The following RAD54B variants were observed in gnomAD, a reference collection of about 807,000 sequenced individuals.
The protein encoded by RAD54B is DNA repair and recombination protein RAD54B.
A neutral mutation model predicts 95.8 loss-of-function variants in RAD54B; 78 were observed. The ratio of observed to expected loss-of-function variants is 0.81; its 90% confidence interval spans 0.68 to 0.98. The LOEUF is 0.98. Among genes scored for constraint, RAD54B ranks in the 50% least tolerant of loss-of-function variants. RAD54B has a pLI of 0.00. For missense variants in RAD54B, 957 were observed against 1,056.6 expected, an observed-to-expected ratio of 0.91 and a Z score of 1.31; for synonymous variants, 328 against 354.9, an observed-to-expected ratio of 0.92 and a Z score of 0.85.
chr8:94,422,178 G>A (rs1397550482), intron 3 of RAD54B, among the ~76,000 whole-genome samples: 1 of 152,038 alleles, frequency 6.6e-6, no homozygotes, highest in East Asian at 1.9e-4. Flanking sequence ...ATAAAGTCCT[G>A]AGAGTATGTT....
At chr8:94,389,650 T>C (rs774759633) in intron 10 of RAD54B, among the ~76,000 whole-genome samples, 1 of 152,228 alleles carries the variant, frequency 6.6e-6, no homozygotes, top group Non-Finnish European at 1.5e-5. Context: ...ACATCTTAAT[T>C]GAACTTGGGA....
intron 3 of RAD54B, among the ~76,000 whole-genome samples, chr8:94,442,404 C>A (rs1812419335): frequency 6.6e-6 from 1 of 151,294 alleles, no homozygotes. Context: ...AACCCCGTCT[C>A]TACTACTAAA....
chr8:94,454,310 T>G (rs1290907239), intron 3 of RAD54B, among the ~76,000 whole-genome samples: 1 of 152,058 alleles, frequency 6.6e-6, no homozygotes, highest in African/African-American at 2.4e-5. Flanking sequence ...TGATCTGGGG[T>G]TTCTTTTTAG....
rs578010316 is a variant in RAD54B, at chr8:94,470,736, T to G, written c.-16-3181A>C. On this transcript the variant is annotated intron_variant, in intron 1 of 14. Transcript: ENST00000336148. ...TCGCACCACTGCACTCCAGCCTGGG[T>G]GACAGAGCAACACTCTGTCTCAAAG... Among the ~76,000 whole-genome samples, 139 of 150,890 alleles carry G rather than the reference T, an allele frequency of 9.2e-4. 1 individual carries two copies. The highest frequency in any genetic ancestry group is 2.9e-3 in the African/African-American group (120 of 40,898).
At chr8:94,445,493 CT>C (rs1292033935) in intron 3 of RAD54B, among the ~76,000 whole-genome samples, 2 of 152,166 alleles carry the variant, frequency 1.3e-5, no homozygotes, top group African/African-American at 4.8e-5. Flanking sequence ...GAGCTCAGCT[CT>C]TTCCCCTATT....
In RAD54B at chr8:94,399,401, A is replaced by G; in HGVS notation, c.1378+13T>C. 6.2e-7 allele frequency: 1 copy of G among 1,609,208 alleles called. No homozygotes were observed. The highest frequency in any genetic ancestry group is 8.5e-7 in the Non-Finnish European group (1 of 1,176,560). On this transcript the variant is annotated intron_variant, in intron 8 of 14. Coordinates refer to ENST00000336148, the MANE Select transcript of RAD54B (RefSeq NM_012415.3). ...AAAAATTCCAAAATATCTTCCCCAA[A>G]CTGAATACTGACCAGTTAGAATTAT...
intron 3 of RAD54B, chr8:94,436,493 A>C: frequency 2.0e-6 from 3 of 1,536,828 alleles, no homozygotes; most frequent in Non-Finnish European, 2.6e-6. Flanking sequence ...AATAAAGCTT[A>C]CCTTTGTATG....
At chr8:94,467,360 A>T in intron 2 of RAD54B, 45 bp downstream of exon 2, 3 of 1,459,226 alleles carry the variant, frequency 2.1e-6, no homozygotes, top group Non-Finnish European at 2.8e-6. Flanking sequence ...TTAAACATAC[A>T]TGCTTCTCTA....
At chr8:94,394,751 G>A (rs1417423676) in intron 8 of RAD54B, among the ~76,000 whole-genome samples, 1 of 151,962 alleles carries the variant, frequency 6.6e-6, no homozygotes, top group Non-Finnish European at 1.5e-5. Context: ...AATATCAGAT[G>A]GCTTTCAAAT....
intron 3 of RAD54B, among the ~76,000 whole-genome samples, chr8:94,439,774 A>C (rs1812356312): frequency 1.3e-5 from 2 of 152,196 alleles, no homozygotes; most frequent in Non-Finnish European, 2.9e-5. Context: ...GATCAATAGA[A>C]AGGAAATGTA....
In RAD54B at chr8:94,407,670, G is replaced by C. The variant is rs771068379; in HGVS notation, c.550C>G (p.Leu184Val). Residue 184 changes from leucine (L) to valine (V), a missense_variant, in exon 5 of 15, where the codon CTG (leucine) becomes GTG (valine). Coordinates refer to ENST00000336148, the MANE Select transcript of RAD54B (RefSeq NM_012415.3). ...TCTATTTCTTTTCCACAAATCATCA[G>C]TGTTTGGCCCTCTTCAATCTTTTCA... ...ELEKIEEGQT[L>V]MICGKEIEVM... is the part of the protein sequence containing the mutation. The C allele has an allele frequency of 2.1e-5, 34 of 1,613,734 alleles. No homozygotes were observed. The South Asian group carries it at 3.1e-4, about 15-fold the overall frequency.
intron 6 of RAD54B, among the ~76,000 whole-genome samples, chr8:94,400,698 C>T (rs188250625): frequency 1.3e-5 from 2 of 152,232 alleles, no homozygotes; most frequent in African/African-American, 4.8e-5. Flanking sequence ...TCATCTGCTA[C>T]TATTACATGT....
intron 3 of RAD54B, chr8:94,427,847 T>C: frequency 1.0e-6 from 1 of 960,722 alleles, no homozygotes; most frequent in Non-Finnish European, 1.2e-6. Flanking sequence ...AAGTTGACAT[T>C]ACTCCAAAAG....
intron 14 of RAD54B, chr8:94,372,908 A>G (rs1008915430): frequency 9.8e-5 from 15 of 152,560 alleles, no homozygotes; most frequent in African/African-American, 3.4e-4. Context: ...AGAAAAAAAA[A>G]CCTTTTGAGC....
At chr8:94,442,302 G>C (rs542906323) in intron 3 of RAD54B, among the ~76,000 whole-genome samples, 3 of 152,206 alleles carry the variant, frequency 2.0e-5, no homozygotes, top group Non-Finnish European at 4.4e-5. Context: ...AGCTGGGCAC[G>C]GTGGCTCACG....
At chr8:94,458,155 G>A (rs1812819061) in intron 3 of RAD54B, 113 bp downstream of exon 3, 5 of 938,716 alleles carry the variant, frequency 5.3e-6, no homozygotes, top group Non-Finnish European at 7.7e-6. Context: ...ACAATGTAGT[G>A]GTATTACATC....
intron 4 of RAD54B, among the ~76,000 whole-genome samples, chr8:94,410,878 A>G (rs903968585): frequency 6.6e-6 from 1 of 152,122 alleles, no homozygotes; most frequent in African/African-American, 2.4e-5. Flanking sequence ...CTGGCTGGCC[A>G]TTTTTGGAGA....
intron 3 of RAD54B, chr8:94,429,750 C>A: frequency 1.0e-6 from 1 of 984,490 alleles, no homozygotes; most frequent in African/African-American, 1.7e-5. Flanking sequence ...TTCAGGACAT[C>A]TTTATAATTA....
intron 6 of RAD54B, among the ~76,000 whole-genome samples, chr8:94,403,688 A>C (rs1048415311): frequency 6.6e-6 from 1 of 152,112 alleles, no homozygotes; most frequent in African/African-American, 2.4e-5. Flanking sequence ...AAAAAAAAAA[A>C]AAAATTCTTA....
Sources: gnomAD v4.1 joint callset for allele counts (sites outside exome capture counted in the v4.1 genomes callset) on GRCh38, gnomAD v4.1.1 for gene constraint, MANE v1.5 for transcripts, NCBI Gene and HGNC (gene_info 2026-07-23, HGNC 2026-07-21) for gene names.